The following CACNG1 variants were observed in gnomAD, a reference collection of about 807,000 sequenced individuals.
The protein encoded by CACNG1 is calcium voltage-gated channel auxiliary subunit gamma 1, also known as voltage-dependent calcium channel gamma-1 subunit.
CACNG1 carries 21 observed loss-of-function variants against 22.0 expected under a neutral mutation model. That is an observed-to-expected ratio of 0.95 (90% CI 0.68 to 1.37). The LOEUF (loss-of-function observed/expected upper bound fraction) is 1.37. CACNG1 is among the 40% of genes most tolerant of loss of function. The pLI is 0.00. For missense variants in CACNG1, 291 were observed against 308.6 expected (o/e 0.94, Z 0.43); for synonymous variants, 127 against 129.2 (o/e 0.98, Z 0.12).
Position 67,044,839 on chromosome 17 carries a change from G to T in CACNG1, c.179G>T (p.Arg60Leu). 6.2e-7 allele frequency: 1 copy of T among 1,613,258 alleles called. No individual in the cohort carries two copies. Among genetic ancestry groups the T allele is most frequent in the South Asian group, 1.1e-5 (1 of 91,082 alleles). ...GGCCTCTGGCGGATTTGTACCAAGCGCATCCCCATGGACGACAGCAAGACC... is the reference window on the plus strand; with the variant it reads ...GGCCTCTGGCGGATTTGTACCAAGCTCATCCCCATGGACGACAGCAAGACC... ...HFGLWRICTK[R>L]IPMDDSKTCG... Residue 60 changes from arginine (R) to leucine (L), a missense_variant, in exon 1 of 4, where the codon CGC becomes CTC. Coordinates refer to ENST00000226021, the MANE Select transcript of CACNG1 (RefSeq NM_000727.4). This position sits in a 1 kb window ranked among gnomAD's most constrained non-coding sequence, Gnocchi z 6.9.
intron 1 of CACNG1, among the ~76,000 whole-genome samples, chr17:67,050,219 G>C (rs2035720708): frequency 6.6e-6 from 1 of 152,232 alleles, no homozygotes; most frequent in Non-Finnish European, 1.5e-5. Context: ...TTGTATAAAA[G>C]AGCATGATAC....
intron 1 of CACNG1, among the ~76,000 whole-genome samples, chr17:67,050,909 C>T (rs922519387): frequency 5.9e-5 from 9 of 152,220 alleles, no homozygotes; most frequent in African/African-American, 2.2e-4. Flanking sequence ...TCAGCATAAG[C>T]CATCTGCAGA....
In CACNG1 at chr17:67,047,905, T is replaced by C. The variant is rs183977663; in HGVS notation, c.229+3016T>C. On this transcript the variant is annotated intron_variant, in intron 1 of 3. Coordinates refer to ENST00000226021, the MANE Select transcript of CACNG1 (RefSeq NM_000727.4). ...CTTGAGACTCTGTTCAAGCAGGAAGTGAAGGCTAAGGCAGAGATGTGGGTG... is the reference window on the plus strand; with the variant it reads ...CTTGAGACTCTGTTCAAGCAGGAAGCGAAGGCTAAGGCAGAGATGTGGGTG... 1.2e-3 allele frequency among the ~76,000 whole-genome samples: 188 copies of C among 152,184 alleles called. 1 individual carries two copies. The highest frequency in any genetic ancestry group is 2.4e-3 in the Non-Finnish European group (164 of 68,014).
At position 67,054,632 on chromosome 17, in the gene CACNG1, C is replaced by T. The variant is rs535161302; in HGVS notation, c.305-471C>T. 1.3e-4 allele frequency among the ~76,000 whole-genome samples: 19 copies of T among 151,548 alleles called. No individual in the cohort carries two copies. In the South Asian group the frequency reaches 3.6e-3, roughly 28 times the overall value. On this transcript the variant is annotated intron_variant, in intron 2 of 3. Transcript: ENST00000226021. The surrounding 1 kb of genome is among the most constrained non-coding windows in gnomAD (Gnocchi z 4.6). Reference sequence around the variant, plus strand: ...ACACACACTGACACACACAGACACACACAACACAGATACACACACACGACA... The same window carrying T: ...ACACACACTGACACACACAGACACATACAACACAGATACACACACACGACA...
intron 1 of CACNG1, 120 bp from the exon 2 acceptor site, chr17:67,053,875 GA>G: frequency 2.7e-6 from 2 of 740,542 alleles, no homozygotes; most frequent in Non-Finnish European, 5.0e-6. Flanking sequence ...AGGATCTGGG[GA>G]GAAGAGAGGC....
intron 1 of CACNG1, among the ~76,000 whole-genome samples, chr17:67,049,535 G>T (rs1036501536): frequency 4.6e-5 from 7 of 152,100 alleles, no homozygotes; most frequent in East Asian, 1.9e-4. Context: ...TCTACAGGTG[G>T]TTCTCATTCT....
At position 67,055,300 on chromosome 17, in the gene CACNG1, C is replaced by T. The variant is rs983830129; in HGVS notation, c.442+60C>T. The T allele has an allele frequency of 3.9e-5, 61 of 1,560,044 alleles. 1 individual carries two copies. In the South Asian group the frequency reaches 4.6e-4, roughly 12 times the overall value. ...GGGGACCATGTCGCGGGGGATTCTC[C>T]GCTCCACCCTCATGCCCACCGCGAG... On this transcript the variant is annotated intron_variant, in intron 3 of 3. Transcript: ENST00000226021. This position sits in a 1 kb window ranked among gnomAD's most constrained non-coding sequence, Gnocchi z 4.5.
rs183970064 is a variant in CACNG1, at chr17:67,046,415, C to G, written c.229+1526C>G. Among the ~76,000 whole-genome samples the G allele has an allele frequency of 6.6e-5, 10 of 152,228 alleles. No homozygotes were observed. In the East Asian group the frequency reaches 1.9e-3, roughly 30 times the overall value. The stretch of plus-strand genomic sequence containing the variant: ...GCAAAGAGCACAGACCCCATCCTCC[C>G]TTGTCTCTGCTCCCTCTTCCTTCCC... On this transcript the variant is annotated intron_variant, in intron 1 of 3. Coordinates refer to ENST00000226021, the MANE Select transcript of CACNG1 (RefSeq NM_000727.4).
intron 1 of CACNG1, among the ~76,000 whole-genome samples, chr17:67,050,979 T>C (rs2035724640): frequency 6.6e-6 from 1 of 152,206 alleles, no homozygotes; most frequent in African/African-American, 2.4e-5. Context: ...ATCCTGGCAT[T>C]GGAATCTTTG....
rs150777707 is a variant in CACNG1 at position 67,044,759 on chromosome 17, T to C, written c.99T>C (p.Ala33=). ...CAGCCGTGGTAACCGACCACTGGGCTGTGCTGAGCCCCCACATGGAGCACC... is the reference window on the plus strand; with the variant it reads ...CAGCCGTGGTAACCGACCACTGGGCCGTGCTGAGCCCCCACATGGAGCACC... ...AMTAVVTDHW[A]VLSPHMEHHN... is the part of the protein sequence containing the mutation. The change falls in exon 1 of 4, where the codon GCT becomes GCC. Residue 33 remains alanine, a synonymous_variant. Transcript: ENST00000226021. The surrounding 1 kb of genome is among the most constrained non-coding windows in gnomAD (Gnocchi z 6.9). 1.8e-4 allele frequency: 290 copies of C among 1,613,116 alleles called. No homozygotes were observed. Among genetic ancestry groups the C allele is most frequent in the Admixed American group, 1.1e-3 (68 of 60,006 alleles).
rs374936894 is a variant in CACNG1 at position 67,056,555 on chromosome 17, G to GA, written c.*284_*285insA. On this transcript the variant is annotated 3_prime_UTR_variant, in exon 4 of 4. Coordinates refer to ENST00000226021, the MANE Select transcript of CACNG1 (RefSeq NM_000727.4). The surrounding 1 kb of genome is among the most constrained non-coding windows in gnomAD (Gnocchi z 4.3). ...GGCCCAACTTCCCCTGGAGCTCAGA[G>GA]GTGTCCCCACTGTACCAGCCTCTGA... 30 of 504,326 alleles carry GA rather than the reference G, an allele frequency of 5.9e-5. No individual in the cohort carries two copies. Among genetic ancestry groups the GA allele is most frequent in the Middle Eastern group, 5.5e-4 (1 of 1,804 alleles). 31.2% of individuals were successfully genotyped at this position (504,326 alleles called of 1,614,324 possible).
chr17:67,045,233 T>G (rs1291538543), intron 1 of CACNG1, among the ~76,000 whole-genome samples: 2 of 152,224 alleles, frequency 1.3e-5, no homozygotes, highest in African/African-American at 2.4e-5. Context: ...AAAGAAAAGC[T>G]AGGTGGCTCT....
rs531294812 is a variant in CACNG1, at chr17:67,048,140, G to A, written c.229+3251G>A. On this transcript the variant is annotated intron_variant, in intron 1 of 3. Transcript: ENST00000226021. ...CAACGGGAACAAATCTTCAAGAAGGGGGAACAACTGATTTCCAGAGTTGCC... is the reference window on the plus strand; with the variant it reads ...CAACGGGAACAAATCTTCAAGAAGGAGGAACAACTGATTTCCAGAGTTGCC... Among the ~76,000 whole-genome samples, 9 of 152,036 alleles carry A rather than the reference G, an allele frequency of 5.9e-5. No homozygotes were observed. The East Asian group carries it at 1.5e-3, about 26-fold the overall frequency.
chr17:67,052,917 G>C lies in CACNG1; in HGVS notation c.230-1079G>C, dbSNP rs188246363. On this transcript the variant is annotated intron_variant, in intron 1 of 3. Transcript: ENST00000226021. ...AGCCTTCTAAAGTGCTGGGATTACA[G>C]GTGTGAGCCACCACGCCCGGCCTGT... Among the ~76,000 whole-genome samples the C allele has an allele frequency of 2.1e-3, 318 of 152,054 alleles. 1 individual carries two copies. Among genetic ancestry groups the C allele is most frequent in the African/African-American group, 7.2e-3 (300 of 41,458 alleles).
chr17:67,055,178 T>C lies in CACNG1; in HGVS notation c.380T>C (p.Leu127Pro), dbSNP rs1320873332. ...ATCCTGGGCAGCCTCTGTGTCCTCC[T>C]GTCCCTCGGGAAGAAGAGGGACTAT... ...FIILGSLCVL[L>P]SLGKKRDYLL... Residue 127 changes from leucine to proline, a missense_variant, in exon 3 of 4, where the codon CTG becomes CCG. Transcript: ENST00000226021. This position sits in a 1 kb window ranked among gnomAD's most constrained non-coding sequence, Gnocchi z 4.5. The C allele has an allele frequency of 1.2e-6, 2 of 1,614,236 alleles. No individual in the cohort carries two copies. The highest frequency in any genetic ancestry group is 1.1e-5 in the South Asian group (1 of 91,084).
chr17:67,047,033 C>T (rs763200868), intron 1 of CACNG1, among the ~76,000 whole-genome samples: 2 of 152,164 alleles, frequency 1.3e-5, no homozygotes, highest in African/African-American at 2.4e-5. Flanking sequence ...ACATCTTTCT[C>T]CTTCCCCATC....
chr17:67,053,328 G>C (rs2143416866), intron 1 of CACNG1, among the ~76,000 whole-genome samples: 3 of 152,364 alleles, frequency 2.0e-5, no homozygotes, highest in Middle Eastern at 6.8e-3. Flanking sequence ...CTGCACATCA[G>C]GCTCTCCCAG....
Position 67,056,393 on chromosome 17 carries a change from C to T in CACNG1, c.*122C>T. ...CACCCTGCTCCCATCTGCCCCCCTG[C>T]AACAGTCGCAGGCTGCTTCCTCTCT... On this transcript the variant is annotated 3_prime_UTR_variant, in exon 4 of 4. Coordinates refer to ENST00000226021, the MANE Select transcript of CACNG1 (RefSeq NM_000727.4). This position sits in a 1 kb window ranked among gnomAD's most constrained non-coding sequence, Gnocchi z 4.3. The T allele has an allele frequency of 1.3e-6, 1 of 770,572 alleles. No homozygotes were observed. 47.7% of individuals were successfully genotyped at this position (770,572 alleles called of 1,614,324 possible). A position where few individuals can be genotyped will look rare whatever the true frequency, so the allele number is the denominator to read the frequency against.
chr17:67,048,332 A>C (rs1325783987), intron 1 of CACNG1, among the ~76,000 whole-genome samples: 5 of 151,798 alleles, frequency 3.3e-5, no homozygotes, highest in East Asian at 3.9e-4. Flanking sequence ...AAAACAAAAA[A>C]AAAACCCCAC....
Sources: allele counts gnomAD v4.1 joint callset (sites outside exome capture counted in the v4.1 genomes callset), GRCh38; gene constraint gnomAD v4.1.1; non-coding constraint Gnocchi (gnomAD v3.1); transcripts MANE v1.5; gene names NCBI Gene and HGNC (gene_info 2026-07-23, HGNC 2026-07-21).